ARL5B: variants seen among roughly 807,000 people sequenced by gnomAD.
The protein encoded by ARL5B is ADP-ribosylation factor-like protein 5B.
ARL5B carries 10 observed loss-of-function variants against 26.9 expected under a neutral mutation model. The ratio of observed to expected loss-of-function variants is 0.37; its 90% CI spans 0.23 to 0.63. ARL5B has a LOEUF of 0.63. Ranked by LOEUF, ARL5B falls within the 30% of genes least tolerant of loss-of-function variation. The pLI, the probability that ARL5B is intolerant of heterozygous loss-of-function variation, is 0.62. For synonymous variants in ARL5B, 87 were observed against 70.4 expected (o/e 1.24, Z -1.18); for missense variants, 167 against 213.9 (o/e 0.78, Z 1.37).
In ARL5B at chr10:18,668,585, A is replaced by C. The variant is rs1355449393; in HGVS notation, c.163A>C (p.Ile55Leu). Residue 55 changes from isoleucine to leucine, a missense_variant, in exon 3 of 6, where the codon ATA (isoleucine) becomes CTA (leucine). Physicochemically the swap from Ile to Leu is conservative, Grantham distance 5. Coordinates refer to ENST00000377275, the MANE Select transcript of ARL5B (RefSeq NM_178815.5). Reference sequence around the variant, plus strand: ...AACCATAGGAAGCAATGTTGAAGAAATAGTTGTGAAGAACACTCATTTTCT... The same window carrying C: ...AACCATAGGAAGCAATGTTGAAGAACTAGTTGTGAAGAACACTCATTTTCT... ...SPTIGSNVEE[I>L]VVKNTHFLMW... 1 of 1,614,158 alleles carries C rather than the reference A, an allele frequency of 6.2e-7. No individual in the cohort carries two copies. The highest frequency in any genetic ancestry group is 1.1e-5 in the South Asian group (1 of 91,080).
At chr10:18,659,806 G>A (rs2059819571) in intron 1 of ARL5B, 123 bp downstream of exon 1, 2 of 1,515,336 alleles carry the variant, frequency 1.3e-6, no homozygotes, top group African/African-American at 1.4e-5. Flanking sequence ...CTTAGGCCAG[G>A]GGGCGGGCAG....
intron 3 of ARL5B, among the ~76,000 whole-genome samples, chr10:18,669,721 G>A (rs990930378): frequency 5.9e-5 from 9 of 152,030 alleles, no homozygotes; most frequent in African/African-American, 1.7e-4. Flanking sequence ...GGCCAGACAC[G>A]GTGGCTCACG....
At chr10:18,661,643 G>A (rs1432414157) in intron 1 of ARL5B, among the ~76,000 whole-genome samples, 1 of 152,072 alleles carries the variant, frequency 6.6e-6, no homozygotes, top group Non-Finnish European at 1.5e-5. Flanking sequence ...ATCAATAAAC[G>A]AGACAAACAT....
At chr10:18,663,030 A>G (rs920158786) in intron 1 of ARL5B, among the ~76,000 whole-genome samples, 1 of 151,264 alleles carries the variant, frequency 6.6e-6, no homozygotes, top group African/African-American at 2.4e-5. Flanking sequence ...TTTATTTATT[A>G]TTGTTATATT....
intron 4 of ARL5B, among the ~76,000 whole-genome samples, chr10:18,673,430 A>G (rs578102177): frequency 1.2e-4 from 18 of 152,244 alleles, no homozygotes; most frequent in Non-Finnish European, 2.4e-4. Context: ...TTTGTACAAC[A>G]TTGTGACTTA....
At chr10:18,673,386 C>G (rs1054675576) in intron 4 of ARL5B, among the ~76,000 whole-genome samples, 2 of 152,064 alleles carry the variant, frequency 1.3e-5, no homozygotes, top group Non-Finnish European at 2.9e-5. Context: ...CAAACTTATA[C>G]TATATAATAT....
At chr10:18,660,687 G>A (rs1288374951) in intron 1 of ARL5B, among the ~76,000 whole-genome samples, 1 of 152,104 alleles carries the variant, frequency 6.6e-6, no homozygotes, top group African/African-American at 2.4e-5. Flanking sequence ...CACTAAAGCA[G>A]TCTTTTTCAA....
Position 18,668,971 on chromosome 10 carries a change from A to G in ARL5B, c.255+294A>G, listed in dbSNP as rs141556469. On this transcript the variant is annotated intron_variant, in intron 3 of 5. Coordinates refer to ENST00000377275, the MANE Select transcript of ARL5B (RefSeq NM_178815.5). ...GTTTAGTAGAGACCGGGGTTTCACC[A>G]TATTGATCAGGTTGGTCTTGAATTC... Among the ~76,000 whole-genome samples the G allele has an allele frequency of 2.0e-3, 311 of 152,118 alleles. 4 individuals carry two copies. In the South Asian group the frequency reaches 0.034, roughly 17 times the overall value.
In ARL5B at chr10:18,672,624, C is replaced by A. The variant is rs774945318; in HGVS notation, c.258C>A (p.Phe86Leu). The change falls in exon 4 of 6, where the codon TTC becomes TTA. Residue 86 changes from phenylalanine (F) to leucine (L), a missense_variant and splice_region_variant. Transcript: ENST00000377275. ...SWNTYYSNTE[F>L]IILVVDSIDR... ...CTTTCCTTTTAATTTTCTTCTAGTT[C>A]ATCATTCTTGTTGTTGATAGCATTG... 6.2e-7 allele frequency: 1 copy of A among 1,603,980 alleles called. No individual in the cohort carries two copies. Among genetic ancestry groups the A allele is most frequent in the African/African-American group, 1.3e-5 (1 of 74,654 alleles).
intron 1 of ARL5B, among the ~76,000 whole-genome samples, chr10:18,663,546 C>CTTTTTTTTTTTTTTT (rs10645351): frequency 1.0e-5 from 1 of 97,948 alleles, no homozygotes; most frequent in Non-Finnish European, 1.9e-5. Context: ...TTATTCTGCT[C>CTTTTTTTTTTTTTTT]TTTTTTTTTT....
chr10:18,670,754 T>C (rs1473945553), intron 3 of ARL5B, among the ~76,000 whole-genome samples: 1 of 152,240 alleles, frequency 6.6e-6, no homozygotes, highest in East Asian at 1.9e-4. Context: ...TCAAAGTTGA[T>C]TCTAGTGAAT....
intron 3 of ARL5B, among the ~76,000 whole-genome samples, chr10:18,672,214 A>G (rs147346812): frequency 1.5e-3 from 228 of 152,352 alleles, no homozygotes; most frequent in Middle Eastern, 6.8e-3. Context: ...TGGTATACAC[A>G]AGTAAGCAAT....
At position 18,680,235 on chromosome 10, in the gene ARL5B, T is replaced by C. The variant is rs1443348745; in HGVS notation, c.*5019T>C. The C allele has an allele frequency of 6.6e-6, 1 of 152,060 alleles. No homozygotes were observed. The highest frequency in any genetic ancestry group is 1.5e-5 in the Non-Finnish European group (1 of 67,928). 9.4% of individuals were successfully genotyped at this position (152,060 alleles called of 1,614,324 possible). ...CCATAAAAACCCCCTTCACCCAAAC[T>C]GTATTTGAAATATGCAAAATTCATA... is the stretch of plus-strand genomic sequence containing the variant. On this transcript the variant is annotated 3_prime_UTR_variant, in exon 6 of 6. Transcript: ENST00000377275.
intron 1 of ARL5B, among the ~76,000 whole-genome samples, chr10:18,662,750 C>CTGGA (rs1197581153): frequency 6.6e-6 from 1 of 151,176 alleles, no homozygotes; most frequent in Non-Finnish European, 1.5e-5. Flanking sequence ...GTCACCCAGG[C>CTGGA]TGGAGTGCAG....
At chr10:18,666,157 A>C (rs1309369895) in intron 1 of ARL5B, among the ~76,000 whole-genome samples, 2 of 152,230 alleles carry the variant, frequency 1.3e-5, no homozygotes, top group Non-Finnish European at 2.9e-5. Flanking sequence ...AGGTGGGGAA[A>C]CTTACAGATA....
chr10:18,659,550 C>T lies in ARL5B; in HGVS notation c.-88C>T, dbSNP rs910347814. On this transcript the variant is annotated 5_prime_UTR_variant, in exon 1 of 6. Transcript: ENST00000377275. ...TGCGCGATCTCAGGCGGGTTCTCCT[C>T]GGCTCCGCGCAGCCCGCGCCGCGGT... The T allele has an allele frequency of 2.5e-5, 37 of 1,466,390 alleles. No homozygotes were observed. The highest frequency in any genetic ancestry group is 3.2e-5 in the Non-Finnish European group (36 of 1,108,684). 90.8% of individuals were successfully genotyped at this position (1,466,390 alleles called of 1,614,324 possible).
chr10:18,666,090 A>G (rs969203190), intron 1 of ARL5B, among the ~76,000 whole-genome samples: 2 of 152,194 alleles, frequency 1.3e-5, no homozygotes, highest in African/African-American at 2.4e-5. Flanking sequence ...AAACGTTTCA[A>G]TTTTAAGCTT....
chr10:18,667,029 T>C (rs1358363902), intron 2 of ARL5B, among the ~76,000 whole-genome samples: 5 of 151,334 alleles, frequency 3.3e-5, no homozygotes, highest in African/African-American at 1.2e-4. Context: ...TAGCCAGACT[T>C]GTCAAAAGAA....
chr10:18,672,335 G>T (rs2131645346), intron 3 of ARL5B, among the ~76,000 whole-genome samples: 1 of 152,250 alleles, frequency 6.6e-6, no homozygotes, highest in South Asian at 2.1e-4. Flanking sequence ...ACCAGCATTT[G>T]AAAACAAATC....
Sources: gnomAD v4.1 joint callset for allele counts (sites outside exome capture counted in the v4.1 genomes callset) on GRCh38, gnomAD v4.1.1 for gene constraint, MANE v1.5 for transcripts, NCBI Gene and HGNC (gene_info 2026-07-23, HGNC 2026-07-21) for gene names.